PRH1: variants seen among roughly 807,000 people sequenced by gnomAD.
PRH1 encodes salivary acidic proline-rich phosphoprotein 1/2.
In PRH1, 7 loss-of-function variants were observed where a neutral mutation model predicts 7.9. The observed-to-expected ratio is 0.89, with a 90% CI of 0.50 to 1.67. PRH1 has a LOEUF of 1.67. PRH1 is among the 40% of genes most tolerant of loss of function. PRH1 has a pLI of 0.00. For missense variants in PRH1, 109 were observed against 223.6 expected, an observed-to-expected ratio of 0.49 and a Z score of 3.27; for synonymous variants, 45 against 80.8, an observed-to-expected ratio of 0.56 and a Z score of 2.38.
At chr12:11,133,328 A>G (rs1253560650) in intron 1 of PRH1, 1 of 1,613,592 alleles carries the variant, frequency 6.2e-7, no homozygotes, top group Non-Finnish European at 8.5e-7. Flanking sequence ...ATGGAGACGA[A>G]GGCTTCTGTC....
intron 1 of PRH1, among the ~76,000 whole-genome samples, chr12:11,039,522 A>AG (rs1942611265): frequency 2.0e-5 from 3 of 152,238 alleles, no homozygotes; most frequent in Non-Finnish European, 2.9e-5. Context: ...AATGTTCTGC[A>AG]ATTTTTTCCT....
chr12:11,004,270 G>A (rs1200991579), intron 1 of PRH1, among the ~76,000 whole-genome samples: 2 of 152,104 alleles, frequency 1.3e-5, no homozygotes, highest in Non-Finnish European at 2.9e-5. Flanking sequence ...CAAGGTGGGT[G>A]AATAACCTCA....
At chr12:10,985,833 A>G in intron 1 of PRH1, 1 of 1,062,440 alleles carries the variant, frequency 9.4e-7, no homozygotes, top group South Asian at 1.7e-5. Context: ...ATACTCAAAA[A>G]CATACACTAC....
At chr12:11,105,816 TAATA>T in intron 1 of PRH1, among the ~76,000 whole-genome samples, 1 of 152,242 alleles carries the variant, frequency 6.6e-6, no homozygotes, top group African/African-American at 2.4e-5. Context: ...TCAACGTGAG[TAATA>T]TGTAGAGTGA....
intron 1 of PRH1, among the ~76,000 whole-genome samples, chr12:11,131,164 G>A (rs2600359): frequency 0.46 from 69,213 of 152,044 alleles, 16,555 homozygotes; most frequent in Non-Finnish European, 0.53. Context: ...GAAGACTAAC[G>A]ACAGCTGAGC....
At chr12:10,990,300 C>T (rs1438883611) in intron 1 of PRH1, among the ~76,000 whole-genome samples, 1 of 152,050 alleles carries the variant, frequency 6.6e-6, no homozygotes, top group Non-Finnish European at 1.5e-5. Flanking sequence ...TATTTATCAC[C>T]ATATACAAAG....
At chr12:10,945,689 C>T (rs542965274) in intron 2 of PRH1, among the ~76,000 whole-genome samples, 13 of 152,106 alleles carry the variant, frequency 8.5e-5, no homozygotes, top group Non-Finnish European at 1.6e-4. Flanking sequence ...AGCAGACAAC[C>T]GGTTTGACCA....
At chr12:11,067,356 A>G (rs11526469) in intron 1 of PRH1, among the ~76,000 whole-genome samples, 67,130 of 150,470 alleles carry the variant, frequency 0.45, 15,393 homozygotes, top group Non-Finnish European at 0.52. Flanking sequence ...ATAGGTCTAT[A>G]TATTTAACCT....
intron 2 of PRH1, among the ~76,000 whole-genome samples, chr12:10,963,714 A>T (rs1477324180): frequency 1.3e-5 from 2 of 152,190 alleles, no homozygotes; most frequent in East Asian, 3.8e-4. Flanking sequence ...TACAGATATG[A>T]CTTTTTTCTC....
chr12:10,986,944 T>G lies in PRH1; in HGVS notation c.-125-13223A>C, dbSNP rs187716488. The G allele has an allele frequency of 3.1e-6, 3 of 971,758 alleles. No individual in the cohort carries two copies. In the East Asian group the frequency reaches 8.0e-5, roughly 26 times the overall value. The allele number at this position is 971,758 out of a possible 1,614,324, so 60.2% of individuals were successfully genotyped here. A position where few individuals can be genotyped will look rare whatever the true frequency, so the allele number is the denominator to read the frequency against. On this transcript the variant is annotated intron_variant, in intron 1 of 3. Coordinates refer to the PRH1 transcript ENST00000539853. ...TAATACTCTGACCTTAAATTTTATG[T>G]GCATCTGATTTCTGAATGTGCAGTA...
chr12:10,892,664 G>C (rs554057520), intron 2 of PRH1, among the ~76,000 whole-genome samples: 1 of 152,272 alleles, frequency 6.6e-6, no homozygotes, highest in East Asian at 1.9e-4. Flanking sequence ...AAATTGTTAT[G>C]GAGGTAAATA....
chr12:10,960,013 T>C (rs898049127), intron 2 of PRH1, among the ~76,000 whole-genome samples: 1 of 152,188 alleles, frequency 6.6e-6, no homozygotes, highest in African/African-American at 2.4e-5. Flanking sequence ...TAATAGAGCA[T>C]GCAACATGAA....
intron 1 of PRH1, among the ~76,000 whole-genome samples, chr12:11,059,444 G>A (rs1452052723): frequency 1.3e-5 from 2 of 152,090 alleles, no homozygotes; most frequent in Non-Finnish European, 2.9e-5. Flanking sequence ...AAACATTTTA[G>A]TAAAGTAGCT....
intron 2 of PRH1, among the ~76,000 whole-genome samples, chr12:10,968,147 T>A (rs982676660): frequency 1.3e-5 from 2 of 152,168 alleles, no homozygotes; most frequent in Non-Finnish European, 1.5e-5. Context: ...AAATGGTTTA[T>A]CTCTCTGATT....
At chr12:11,028,326 C>G (rs1440101760) in intron 1 of PRH1, among the ~76,000 whole-genome samples, 1 of 152,186 alleles carries the variant, frequency 6.6e-6, no homozygotes, top group Non-Finnish European at 1.5e-5. Context: ...GCTGTGGTTT[C>G]CCCTTGTAGC....
intron 2 of PRH1, among the ~76,000 whole-genome samples, chr12:10,896,605 T>C (rs1375977223): frequency 2.0e-5 from 3 of 151,776 alleles, no homozygotes; most frequent in Non-Finnish European, 4.4e-5. Context: ...CTACTAAAAA[T>C]ACAAAAATTA....
intron 2 of PRH1, among the ~76,000 whole-genome samples, chr12:10,901,319 C>T (rs1360949749): frequency 6.6e-6 from 1 of 152,194 alleles, no homozygotes; most frequent in Admixed American, 6.5e-5. Context: ...CCCCACTCTC[C>T]TGGATTAAGA....
chr12:10,927,300 T>G lies in PRH1; in HGVS notation c.-58-43025A>C, dbSNP rs74062406. Among the ~76,000 whole-genome samples, 1,264 of 152,282 alleles carry G rather than the reference T, an allele frequency of 8.3e-3. 21 individuals are homozygous for G. The highest frequency in any genetic ancestry group is 0.029 in the African/African-American group (1,206 of 41,562). ...CTTTCTCTGGCCTTCCTTTTTGACA[T>G]GATGGTTGACCTGAAATCACCAAGG... On this transcript the variant is annotated intron_variant, in intron 2 of 3. Transcript: ENST00000539853.
In PRH1 at chr12:10,966,133, G is replaced by A. The variant is rs561261531; in HGVS notation, c.-59+7522C>T. ...GAAATTAGTCCTATTTTCCCACTCA[G>A]GGTTTTCAGCCCATAAAAATATATT... On this transcript the variant is annotated intron_variant, in intron 2 of 3. Transcript: ENST00000539853. Among the ~76,000 whole-genome samples, 23 of 152,210 alleles carry A rather than the reference G, an allele frequency of 1.5e-4. No individual in the cohort carries two copies. In the South Asian group the frequency reaches 4.8e-3, roughly 32 times the overall value.
Sources: gnomAD v4.1 joint callset for allele counts (sites outside exome capture counted in the v4.1 genomes callset) on GRCh38, gnomAD v4.1.1 for gene constraint, MANE v1.5 for transcripts, NCBI Gene and HGNC (gene_info 2026-07-23, HGNC 2026-07-21) for gene names.